Variants in ENOPH1 observed in about 807,000 individuals in gnomAD.
ENOPH1 encodes the protein enolase-phosphatase E1.
In ENOPH1, 14 loss-of-function variants were observed where a neutral mutation model predicts 31.1. That is an observed-to-expected ratio of 0.45 (90% CI 0.30 to 0.70). ENOPH1 has a LOEUF of 0.70. Ranked by LOEUF, ENOPH1 falls within the 30% of genes least tolerant of loss-of-function variation. ENOPH1 has a pLI of 0.09. For missense variants in ENOPH1, 243 were observed against 321.5 expected (o/e 0.76, Z 1.87); for synonymous variants, 127 against 123.2 (o/e 1.03, Z -0.21).
intron 1 of ENOPH1, among the ~76,000 whole-genome samples, chr4:82,435,681 C>G (rs1218564063): frequency 6.6e-6 from 1 of 152,204 alleles, no homozygotes; most frequent in African/African-American, 2.4e-5. Flanking sequence ...AGTATTACTT[C>G]TATTATTGCC....
intron 4 of ENOPH1, among the ~76,000 whole-genome samples, chr4:82,455,711 A>G (rs1210241702): frequency 6.6e-6 from 1 of 151,946 alleles, no homozygotes; most frequent in Non-Finnish European, 1.5e-5. Flanking sequence ...GCTTGAACCC[A>G]GGAGGCGGAG....
At chr4:82,459,715 C>A (rs1240854885) in intron 5 of ENOPH1, among the ~76,000 whole-genome samples, 1 of 152,160 alleles carries the variant, frequency 6.6e-6, no homozygotes, top group African/African-American at 2.4e-5. Context: ...CTTAATAAAG[C>A]TCAGAAGTGT....
Position 82,430,860 on chromosome 4 carries a change from A to G in ENOPH1, c.31A>G (p.Thr11Ala). MVVLSVPAEV[T>A]VILLDIEGTT... Reference sequence around the variant, plus strand: ...CGTGCTTTCGGTCCCCGCCGAAGTCACCGTGATCCTGTTAGATATCGAAGG... The same window carrying G: ...CGTGCTTTCGGTCCCCGCCGAAGTCGCCGTGATCCTGTTAGATATCGAAGG... The change falls in exon 1 of 6, where the codon ACC (threonine) becomes GCC (alanine). Residue 11 changes from threonine (T) to alanine (A), a missense_variant. Physicochemically the swap from Thr to Ala is moderately conservative, Grantham distance 58. Transcript: ENST00000273920. The G allele has an allele frequency of 6.2e-7, 1 of 1,614,204 alleles. No homozygotes were observed.
intron 3 of ENOPH1, among the ~76,000 whole-genome samples, chr4:82,451,843 A>T (rs1177230054): frequency 6.6e-6 from 1 of 151,622 alleles, no homozygotes; most frequent in Admixed American, 6.6e-5. Context: ...GTGCAGTGGC[A>T]TGATCATGGC....
chr4:82,459,574 TATC>T (rs1404409609), intron 5 of ENOPH1, among the ~76,000 whole-genome samples: 1 of 152,082 alleles, frequency 6.6e-6, no homozygotes, highest in Non-Finnish European at 1.5e-5. Context: ...CCCAGCCCCA[TATC>T]ATTTTAATTC....
Position 82,451,011 on chromosome 4 carries a change from A to G in ENOPH1, c.187-32A>G, listed in dbSNP as rs1722332110. 2.5e-6 allele frequency: 4 copies of G among 1,586,704 alleles called. No homozygotes were observed. The South Asian group carries it at 4.5e-5, about 18-fold the overall frequency. On this transcript the variant is annotated intron_variant, in intron 2 of 5. Coordinates refer to ENST00000273920, the MANE Select transcript of ENOPH1 (RefSeq NM_021204.5). ...AAATGACTGTTTTTTGAATAAGCAA[A>G]AAACAAACATCATGTTGTTTCTGAC...
chr4:82,446,578 G>A (rs907544549), intron 1 of ENOPH1, among the ~76,000 whole-genome samples: 12 of 151,990 alleles, frequency 7.9e-5, no homozygotes, highest in Admixed American at 6.6e-5. Flanking sequence ...AGTAAAAAGC[G>A]GAGGTAGAAG....
intron 4 of ENOPH1, among the ~76,000 whole-genome samples, chr4:82,455,803 C>G (rs1391740146): frequency 2.0e-5 from 3 of 151,798 alleles, no homozygotes; most frequent in Non-Finnish European, 4.4e-5. Flanking sequence ...AAAAAATTTA[C>G]TTATTTTAAC....
intron 2 of ENOPH1, among the ~76,000 whole-genome samples, chr4:82,449,442 C>T (rs1294947743): frequency 2.0e-5 from 3 of 152,062 alleles, no homozygotes; most frequent in Non-Finnish European, 2.9e-5. Context: ...TCTGGGGAGA[C>T]CTCAGGAAGC....
rs1199475259 is a variant in ENOPH1, at chr4:82,430,902, G to T, written c.73G>T (p.Ala25Ser). ...TATCGAAGGTACCACAACCCCGATT[G>T]CTTTCGTGAAGGTGAGGGGCGGAAG... is the stretch of plus-strand genomic sequence containing the variant. ...LDIEGTTTPI[A>S]FVKDILFPYI... is the part of the protein sequence containing the mutation. Residue 25 changes from alanine (A) to serine (S), a missense_variant, in exon 1 of 6, where the codon GCT becomes TCT. Physicochemically the swap from Ala to Ser is moderately conservative, Grantham distance 99. Coordinates refer to ENST00000273920, the MANE Select transcript of ENOPH1 (RefSeq NM_021204.5). The T allele has an allele frequency of 1.9e-6, 3 of 1,614,150 alleles. No individual in the cohort carries two copies. The highest frequency in any genetic ancestry group is 1.6e-4 in the Middle Eastern group (1 of 6,062).
At chr4:82,456,048 C>T (rs1482198936) in intron 4 of ENOPH1, among the ~76,000 whole-genome samples, 1 of 151,836 alleles carries the variant, frequency 6.6e-6, no homozygotes. Flanking sequence ...TCTCTTAATA[C>T]AGATACAACT....
chr4:82,435,682 T>A (rs892321424), intron 1 of ENOPH1, among the ~76,000 whole-genome samples: 35 of 152,234 alleles, frequency 2.3e-4, no homozygotes, highest in African/African-American at 7.7e-4. Flanking sequence ...GTATTACTTC[T>A]ATTATTGCCA....
intron 1 of ENOPH1, among the ~76,000 whole-genome samples, chr4:82,447,674 A>G (rs1265004954): frequency 6.6e-6 from 1 of 152,266 alleles, no homozygotes; most frequent in African/African-American, 2.4e-5. Flanking sequence ...TGTTCCAATA[A>G]AACTTCATTT....
At chr4:82,450,944 T>C in intron 2 of ENOPH1, 99 bp from the exon 3 acceptor site, 1 of 900,374 alleles carries the variant, frequency 1.1e-6, no homozygotes, top group Non-Finnish European at 1.8e-6. Flanking sequence ...CTAGGGCTAA[T>C]GATGGAGAAA....
At chr4:82,444,801 C>G (rs1722138366) in intron 1 of ENOPH1, among the ~76,000 whole-genome samples, 2 of 152,160 alleles carry the variant, frequency 1.3e-5, no homozygotes, top group African/African-American at 4.8e-5. Flanking sequence ...TAACAACTCC[C>G]TAAGTGCCTG....
chr4:82,454,139 A>T (rs1722423364), intron 3 of ENOPH1, among the ~76,000 whole-genome samples: 1 of 151,962 alleles, frequency 6.6e-6, no homozygotes, highest in South Asian at 2.1e-4. Context: ...ACTCGAGCCC[A>T]GGAGGTAGAG....
chr4:82,444,609 T>G (rs1722134075), intron 1 of ENOPH1, among the ~76,000 whole-genome samples: 1 of 152,234 alleles, frequency 6.6e-6, no homozygotes, highest in African/African-American at 2.4e-5. Flanking sequence ...CAAGGCAACT[T>G]TTTAAATTAG....
At chr4:82,448,190 A>C (rs1163839600) in intron 2 of ENOPH1, among the ~76,000 whole-genome samples, 169 bp downstream of exon 2, 4 of 151,772 alleles carry the variant, frequency 2.6e-5, no homozygotes, top group African/African-American at 9.7e-5. Context: ...ACATAATTAA[A>C]GGCTGGATCA....
chr4:82,439,289 T>C (rs1254482757), intron 1 of ENOPH1, among the ~76,000 whole-genome samples: 2 of 152,178 alleles, frequency 1.3e-5, no homozygotes, highest in Non-Finnish European at 2.9e-5. Context: ...GTCTAAAAAG[T>C]GTGGACCTGG....
Sources: allele counts gnomAD v4.1 joint callset (sites outside exome capture counted in the v4.1 genomes callset), GRCh38; gene constraint gnomAD v4.1.1; transcripts MANE v1.5; gene names NCBI Gene and HGNC (gene_info 2026-07-23, HGNC 2026-07-21).